The following GAB2 variants were observed in gnomAD, a reference collection of about 807,000 sequenced individuals.
GAB2 encodes the protein GRB2 associated binding protein 2.
GAB2 carries 26 observed loss-of-function variants against 65.5 expected under a neutral mutation model. The ratio of observed to expected loss-of-function variants is 0.40; its 90% CI spans 0.29 to 0.55. The LOEUF is 0.55. Ranked by LOEUF, GAB2 falls within the 20% of genes least tolerant of loss-of-function variation. The pLI is 0.53. For synonymous variants in GAB2, 321 were observed against 329.6 expected, an observed-to-expected ratio of 0.97 and a Z score of 0.28; for missense variants, 884 against 875.8, an observed-to-expected ratio of 1.01 and a Z score of -0.12.
chr11:78,232,047 G>A (rs1864864924), intron 3 of GAB2: 2 of 152,216 alleles, frequency 1.3e-5, no homozygotes, highest in African/African-American at 4.8e-5. Flanking sequence ...TCTGGCTGCA[G>A]TTCTGAGCCA....
chr11:78,241,338 T>C (rs1419315051), intron 3 of GAB2, among the ~76,000 whole-genome samples: 1 of 152,060 alleles, frequency 6.6e-6, no homozygotes, highest in Admixed American at 6.5e-5. Context: ...CTCCAGAAAG[T>C]CTGGAAGAGG....
At chr11:78,405,052 G>A (rs995298205) in intron 1 of GAB2, among the ~76,000 whole-genome samples, 2 of 150,052 alleles carry the variant, frequency 1.3e-5, no homozygotes, top group Non-Finnish European at 3.0e-5. Context: ...AAAAATAAAG[G>A]CAGAATCCTA....
chr11:78,238,310 T>G (rs558723520), intron 3 of GAB2, among the ~76,000 whole-genome samples: 79 of 151,286 alleles, frequency 5.2e-4, no homozygotes, highest in South Asian at 1.7e-3. Context: ...GGAGGATTGC[T>G]CGAGACAACA....
chr11:78,389,775 A>G (rs1247284759), intron 1 of GAB2, among the ~76,000 whole-genome samples: 1 of 152,226 alleles, frequency 6.6e-6, no homozygotes, highest in Non-Finnish European at 1.5e-5. Flanking sequence ...GAGACACCAT[A>G]AAGTTGAAGC....
intron 1 of GAB2, among the ~76,000 whole-genome samples, chr11:78,341,310 T>C (rs1440958348): frequency 1.3e-5 from 2 of 152,198 alleles, no homozygotes; most frequent in Non-Finnish European, 2.9e-5. Context: ...ATTGGTAATA[T>C]TGGTAAATGG....
At chr11:78,317,560 A>AAAAG (rs1855635413) in intron 1 of GAB2, among the ~76,000 whole-genome samples, 1 of 145,470 alleles carries the variant, frequency 6.9e-6, no homozygotes, top group South Asian at 2.1e-4. Context: ...CTCCGTCTCA[A>AAAAG]AAAAAAAAAA....
chr11:78,225,004 T>G, intron 5 of GAB2, 104 bp downstream of exon 5: 1 of 721,430 alleles, frequency 1.4e-6, no homozygotes, highest in South Asian at 1.7e-5. Flanking sequence ...GGTCCTAAGA[T>G]GGAGACGCCA....
At chr11:78,268,125 C>CCT (rs1865915431) in intron 2 of GAB2, among the ~76,000 whole-genome samples, 1 of 152,012 alleles carries the variant, frequency 6.6e-6, no homozygotes, top group Admixed American at 6.6e-5. Context: ...ATCACTTGAC[C>CCT]CTCTCCTCTG....
At chr11:78,261,139 T>G (rs1431522866) in intron 2 of GAB2, among the ~76,000 whole-genome samples, 6 of 152,220 alleles carry the variant, frequency 3.9e-5, no homozygotes, top group Admixed American at 2.0e-4. Flanking sequence ...ATAAATTAGC[T>G]GGGCATTGTG....
At chr11:78,389,800 C>T (rs1031175011) in intron 1 of GAB2, among the ~76,000 whole-genome samples, 6 of 152,216 alleles carry the variant, frequency 3.9e-5, no homozygotes, top group Non-Finnish European at 2.9e-5. Flanking sequence ...TTTACCACCC[C>T]TGCCAGTCAA....
At chr11:78,289,112 GA>G (rs1217795389) in intron 1 of GAB2, among the ~76,000 whole-genome samples, 1 of 152,152 alleles carries the variant, frequency 6.6e-6, no homozygotes, top group East Asian at 1.9e-4. Context: ...ATTCAATCAA[GA>G]AAACAGCTAG....
chr11:78,261,513 C>T (rs1418472927), intron 2 of GAB2, among the ~76,000 whole-genome samples: 2 of 152,162 alleles, frequency 1.3e-5, no homozygotes, highest in African/African-American at 4.8e-5. Context: ...TATCTTTAGC[C>T]ATGCACTGTG....
intron 5 of GAB2, among the ~76,000 whole-genome samples, chr11:78,224,720 T>A (rs1174399522): frequency 6.6e-6 from 1 of 152,122 alleles, no homozygotes; most frequent in African/African-American, 2.4e-5. Context: ...TTCTGCCACT[T>A]AGCCTGACTG....
At chr11:78,289,091 G>T (rs547190993) in intron 1 of GAB2, among the ~76,000 whole-genome samples, 1 of 152,162 alleles carries the variant, frequency 6.6e-6, no homozygotes, top group Non-Finnish European at 1.5e-5. Flanking sequence ...TTTCACAAAC[G>T]TGTAAAAGCA....
intron 1 of GAB2, chr11:78,341,695 A>G: frequency 3.3e-6 from 3 of 922,714 alleles, no homozygotes; most frequent in East Asian, 1.2e-4. Flanking sequence ...GGTGACTCCT[A>G]AAGAACAAAT....
chr11:78,246,032 C>T lies in GAB2; in HGVS notation c.620+4125G>A, dbSNP rs923392700. Among the ~76,000 whole-genome samples, 9 of 151,148 alleles carry T rather than the reference C, an allele frequency of 6.0e-5. 1 individual carries two copies. The highest frequency in any genetic ancestry group is 2.0e-4 in the East Asian group (1 of 5,126). ...GCAACCTCCGCCTCCAGGGTTCAAG[C>T]GATTCTCCTGCCTCAGCCTCCCAAG... On this transcript the variant is annotated intron_variant, in intron 3 of 9. Transcript: ENST00000361507.
At chr11:78,241,510 G>A (rs965183584) in intron 3 of GAB2, among the ~76,000 whole-genome samples, 1 of 151,402 alleles carries the variant, frequency 6.6e-6, no homozygotes, top group African/African-American at 2.4e-5. Context: ...TCAAAATAAT[G>A]ACCTTAAGAA....
chr11:78,291,842 A>G (rs1866690189), intron 1 of GAB2, among the ~76,000 whole-genome samples: 1 of 152,050 alleles, frequency 6.6e-6, no homozygotes, highest in Admixed American at 6.6e-5. Context: ...CTGGAATTAC[A>G]GATGAGCCAC....
At position 78,280,989 on chromosome 11, in the gene GAB2, T is replaced by A. The variant is rs1866319387; in HGVS notation, c.76-88A>T. The A allele has an allele frequency of 2.6e-6, 3 of 1,133,300 alleles. No homozygotes were observed. The African/African-American group carries it at 4.6e-5, about 17-fold the overall frequency. The allele number at this position is 1,133,300 out of a possible 1,614,324, so 70.2% of individuals were successfully genotyped here. Reference sequence around the variant, plus strand: ...TTTCTTTCAGAGACAGGTCTTGCCCTGTTGCCCAGGCTGGAGTGCAGTGGC... The same window carrying A: ...TTTCTTTCAGAGACAGGTCTTGCCCAGTTGCCCAGGCTGGAGTGCAGTGGC... On this transcript the variant is annotated intron_variant, in intron 1 of 9. Coordinates refer to ENST00000361507, the MANE Select transcript of GAB2 (RefSeq NM_080491.3).
Sources: gnomAD v4.1 joint callset for allele counts (sites outside exome capture counted in the v4.1 genomes callset) on GRCh38, gnomAD v4.1.1 for gene constraint, MANE v1.5 for transcripts, NCBI Gene and HGNC (gene_info 2026-07-23, HGNC 2026-07-21) for gene names.